DLD: variants seen among roughly 807,000 people sequenced by gnomAD.
The protein encoded by DLD is dihydrolipoyl dehydrogenase, mitochondrial.
A neutral mutation model predicts 62.2 loss-of-function variants in DLD; 36 were observed. The ratio of observed to expected loss-of-function variants is 0.58; its 90% confidence interval spans 0.44 to 0.76. The LOEUF is 0.76. Among genes scored for constraint, DLD ranks in the 30% least tolerant of loss-of-function variants. DLD has a pLI of 0.00. For synonymous variants in DLD, 204 were observed against 199.6 expected, an observed-to-expected ratio of 1.02 and a Z score of -0.19; for missense variants, 541 against 608.6, an observed-to-expected ratio of 0.89 and a Z score of 1.17.
chr7:107,903,668 A>G, intron 5 of DLD, 121 bp downstream of exon 5: 1 of 582,982 alleles, frequency 1.7e-6, no homozygotes, highest in Admixed American at 2.9e-5. Flanking sequence ...GAGTAAAATA[A>G]ATAATCTAAA....
chr7:107,920,568 G>C lies in DLD; in HGVS notation c.*1309G>C, dbSNP rs1391412383. On this transcript the variant is annotated 3_prime_UTR_variant, in exon 14 of 14. Transcript: ENST00000205402. Reference sequence around the variant, plus strand: ...CAGTTGTTTTAGCTTTAGCTATGCTGCTGGAAGTCTTTCCCATGCAAGTGT... The same window carrying C: ...CAGTTGTTTTAGCTTTAGCTATGCTCCTGGAAGTCTTTCCCATGCAAGTGT... 1.3e-5 allele frequency: 2 copies of C among 152,252 alleles called. No individual in the cohort carries two copies. Among genetic ancestry groups the C allele is most frequent in the African/African-American group, 2.4e-5 (1 of 41,462 alleles). 9.4% of individuals were successfully genotyped at this position (152,252 alleles called of 1,614,324 possible).
chr7:107,897,516 T>C (rs2031756626), intron 2 of DLD, among the ~76,000 whole-genome samples: 1 of 151,924 alleles, frequency 6.6e-6, no homozygotes. Context: ...TACACGTGAC[T>C]GGCTCACTAA....
chr7:107,910,314 CGAA>C (rs1562917536), intron 8 of DLD, among the ~76,000 whole-genome samples: 1 of 152,146 alleles, frequency 6.6e-6, no homozygotes. Context: ...TATAATATCT[CGAA>C]GCAATAATTC....
chr7:107,891,953 T>C (rs2116155007), intron 1 of DLD, among the ~76,000 whole-genome samples: 1 of 152,352 alleles, frequency 6.6e-6, no homozygotes, highest in Non-Finnish European at 1.5e-5. Context: ...GGCTGGGTAC[T>C]ATGTTAGTGG....
Position 107,906,232 on chromosome 7 carries a change from A to G in DLD, c.583-35A>G, listed in dbSNP as rs181089830. On this transcript the variant is annotated intron_variant, in intron 7 of 13. Transcript: ENST00000205402. ...GGGTCGACTGTACTAGGTTTTTTCA[A>G]ATTATTTTGATTATATCTTTTGTTT... 1.3e-5 allele frequency: 18 copies of G among 1,410,326 alleles called. No homozygotes were observed. In the African/African-American group the frequency reaches 2.1e-4, roughly 17 times the overall value. The allele number at this position is 1,410,326 out of a possible 1,614,324, so 87.4% of individuals were successfully genotyped here.
chr7:107,919,139 T>C lies in DLD; in HGVS notation c.1464+40T>C, dbSNP rs562634519. ...CATATAGAATTGATGGTTGCCTAAA[T>C]TTTCTTCTGACCCACAAATATTTGG... is the stretch of plus-strand genomic sequence containing the variant. On this transcript the variant is annotated intron_variant, in intron 13 of 13. Coordinates refer to ENST00000205402, the MANE Select transcript of DLD (RefSeq NM_000108.5). 5 of 1,612,492 alleles carry C rather than the reference T, an allele frequency of 3.1e-6. No individual in the cohort carries two copies. The African/African-American group carries it at 5.3e-5, about 17-fold the overall frequency.
Position 107,906,341 on chromosome 7 carries a change from T to A in DLD, c.657T>A (p.Ile219=), listed in dbSNP as rs2032007036. 6.2e-7 allele frequency: 1 copy of A among 1,610,972 alleles called. No homozygotes were observed. Among genetic ancestry groups the A allele is most frequent in the South Asian group, 1.1e-5 (1 of 91,002 alleles). ...AAGTTCCAGAAAAGATGGTTGTTAT[T>A]GGTGCAGGAGTAATAGGTGTAGAAT... ...LKKVPEKMVV[I]GAGVIGVELG... The change falls in exon 8 of 14, where the codon ATT becomes ATA. Residue 219 remains isoleucine, a synonymous_variant. Transcript: ENST00000205402.
chr7:107,917,361 G>A lies in DLD; in HGVS notation c.1135G>A (p.Gly379Ser). The A allele has an allele frequency of 6.2e-7, 1 of 1,614,116 alleles. No homozygotes were observed. Among genetic ancestry groups the A allele is most frequent in the Non-Finnish European group, 8.5e-7 (1 of 1,180,014 alleles). ...EGIICVEGMA[G>S]GAVHIDYNCV... ...CATTATCTGTGTTGAAGGAATGGCT[G>A]GTGGTGCTGTGCACATTGACTACAA... The change falls in exon 11 of 14, where the codon GGT (glycine) becomes AGT (serine). Residue 379 changes from glycine (G) to serine (S), a missense_variant. Physicochemically the swap from Gly to Ser is moderately conservative, Grantham distance 56 (BLOSUM62 0). Transcript: ENST00000205402.
intron 2 of DLD, among the ~76,000 whole-genome samples, chr7:107,899,717 T>A (rs10238807): frequency 1.3e-5 from 2 of 151,960 alleles, no homozygotes; most frequent in African/African-American, 4.8e-5. Flanking sequence ...TTGAATTTTA[T>A]AAAAACTTTC....
intron 3 of DLD, among the ~76,000 whole-genome samples, chr7:107,902,057 C>G (rs1203868165): frequency 6.6e-6 from 1 of 152,090 alleles, no homozygotes; most frequent in African/African-American, 2.4e-5. Flanking sequence ...TCTAATCACA[C>G]TTTGGAAGAT....
In DLD at chr7:107,915,686, A is replaced by G. The variant is rs1386982035; in HGVS notation, c.865A>G (p.Ile289Val). The change falls in exon 9 of 14, where the codon ATT becomes GTT. Residue 289 changes from isoleucine to valine, a missense_variant. Ile to Val is a conservative substitution (Grantham distance 29). Transcript: ENST00000205402. The stretch of plus-strand genomic sequence containing the variant: ...TGCTACCAAGAAGTCAGATGGAAAA[A>G]TTGATGTTTCGTAAGTATACATCAT... ...TGATKKSDGK[I>V]DVSIEAASGG... 1 of 1,613,444 alleles carries G rather than the reference A, an allele frequency of 6.2e-7. No individual in the cohort carries two copies. The highest frequency in any genetic ancestry group is 2.2e-5 in the East Asian group (1 of 44,808).
chr7:107,891,439 C>T, intron 1 of DLD, 150 bp downstream of exon 1: 1 of 844,138 alleles, frequency 1.2e-6, no homozygotes, highest in Non-Finnish European at 2.0e-6. Flanking sequence ...TGGCTCAGCC[C>T]GGCCCTGGGC....
Position 107,906,310 on chromosome 7 carries a change from TAA to T in DLD, c.632_633del (p.Lys211SerfsTer32). Reference sequence around the variant, plus strand: ...GTGTCATCTACAGGTGCTTTATCTTTAAAAAAAGTTCCAGAAAAGATGGTTGT... The same window carrying T: ...GTGTCATCTACAGGTGCTTTATCTTTAAAAAGTTCCAGAAAAGATGGTTGT... On this transcript the variant is annotated frameshift_variant, in exon 8 of 14. Transcript: ENST00000205402. LOFTEE classifies it high-confidence loss of function. The T allele has an allele frequency of 6.2e-7, 1 of 1,609,986 alleles. No individual in the cohort carries two copies. Among genetic ancestry groups the T allele is most frequent in the Non-Finnish European group, 8.5e-7 (1 of 1,176,326 alleles).
intron 6 of DLD, 135 bp downstream of exon 6, chr7:107,905,193 T>G: frequency 2.0e-6 from 2 of 1,024,128 alleles, no homozygotes; most frequent in Non-Finnish European, 2.9e-6. Flanking sequence ...CTGAAATAGA[T>G]TTCCCTGACA....
chr7:107,901,811 C>A lies in DLD; in HGVS notation c.192C>A (p.Gly64=), dbSNP rs1222766486. ...YVAAIKAAQL[G]FKTVCIEKNE... ...CTGCTATTAAAGCTGCCCAGTTAGG[C>A]TTCAAGGTAAGGTTTGAACTCAAAC... is the stretch of plus-strand genomic sequence containing the variant. Residue 64 remains glycine, a synonymous_variant, in exon 3 of 14, where the codon GGC becomes GGA. Transcript: ENST00000205402. 2 of 1,612,902 alleles carry A rather than the reference C, an allele frequency of 1.2e-6. No individual in the cohort carries two copies. The highest frequency in any genetic ancestry group is 2.2e-5 in the South Asian group (2 of 91,064).
At chr7:107,915,837 C>A in intron 9 of DLD, 141 bp downstream of exon 9, 1 of 677,660 alleles carries the variant, frequency 1.5e-6, no homozygotes, top group Non-Finnish European at 2.5e-6. Context: ...AGTTGCTTAT[C>A]AAATTATTGC....
intron 8 of DLD, among the ~76,000 whole-genome samples, chr7:107,907,667 T>C (rs975251255): frequency 2.6e-5 from 4 of 152,230 alleles, no homozygotes; most frequent in Non-Finnish European, 4.4e-5. Flanking sequence ...GTGATTTTTA[T>C]TCTTGTATTT....
intron 11 of DLD, among the ~76,000 whole-genome samples, 166 bp downstream of exon 11, chr7:107,917,628 G>A (rs1273929739): frequency 6.6e-6 from 1 of 152,188 alleles, no homozygotes; most frequent in Non-Finnish European, 1.5e-5. Context: ...ATCATTCACA[G>A]ATTTATCAGC....
intron 2 of DLD, among the ~76,000 whole-genome samples, chr7:107,900,120 G>T (rs2031839905): frequency 6.6e-6 from 1 of 152,044 alleles, no homozygotes. Context: ...ATTTTTTCAT[G>T]TATTATCTCA....
Sources: allele counts gnomAD v4.1 joint callset (sites outside exome capture counted in the v4.1 genomes callset), GRCh38; gene constraint gnomAD v4.1.1; transcripts MANE v1.5; gene names NCBI Gene and HGNC (gene_info 2026-07-23, HGNC 2026-07-21).